PREX2: variants seen among roughly 807,000 people sequenced by gnomAD.
The protein encoded by PREX2 is phosphatidylinositol-3,4,5-trisphosphate dependent Rac exchange factor 2, also known as phosphatidylinositol 3,4,5-trisphosphate-dependent Rac exchanger 2 protein.
A neutral mutation model predicts 203.2 loss-of-function variants in PREX2; 107 were observed. The ratio of observed to expected loss-of-function variants is 0.53; its 90% CI spans 0.45 to 0.62. PREX2 has a LOEUF of 0.62. Ranked by LOEUF, PREX2 falls within the 20% of genes least tolerant of loss-of-function variation. The pLI is 0.00. For synonymous variants in PREX2, 672 were observed against 663.6 expected, an observed-to-expected ratio of 1.01 and a Z score of -0.19; for missense variants, 1,777 against 1,955.9, an observed-to-expected ratio of 0.91 and a Z score of 1.72.
rs1585710788 is a variant in PREX2 at position 68,019,808 on chromosome 8, T to C, written c.336+137T>C. On this transcript the variant is annotated intron_variant, in intron 3 of 39. Coordinates refer to ENST00000288368, the MANE Select transcript of PREX2 (RefSeq NM_024870.4). The stretch of plus-strand genomic sequence containing the variant: ...AAAGTTTAAGGTCTTTTAAGGCCAA[T>C]GAGATCTTCCACTTAGAGCCAGAAA... 4 of 766,376 alleles carry C rather than the reference T, an allele frequency of 5.2e-6. No homozygotes were observed. In the Admixed American group the frequency reaches 1.1e-4, roughly 21 times the overall value. The allele number at this position is 766,376 out of a possible 1,614,324, so 47.5% of individuals were successfully genotyped here.
chr8:68,150,751 A>G (rs1346173758), intron 34 of PREX2, among the ~76,000 whole-genome samples: 2 of 152,194 alleles, frequency 1.3e-5, no homozygotes, highest in African/African-American at 4.8e-5. Flanking sequence ...GTCATTGGAA[A>G]TGATGCGTTC....
intron 10 of PREX2, among the ~76,000 whole-genome samples, chr8:68,057,218 G>C (rs1169651459): frequency 6.6e-6 from 1 of 152,108 alleles, no homozygotes; most frequent in Admixed American, 6.6e-5. Context: ...CTCACCTGCT[G>C]CCGTGTAAGG....
chr8:67,997,484 A>ATGCTCATTCTATTTGTTT (rs2129609642), intron 1 of PREX2, among the ~76,000 whole-genome samples: 2 of 152,262 alleles, frequency 1.3e-5, no homozygotes, highest in South Asian at 4.1e-4. Context: ...TGTCCATTTT[A>ATGCTCATTCTATTTGTTT]TGCTCATTCT....
chr8:68,044,804 A>G (rs1178008971), intron 8 of PREX2, among the ~76,000 whole-genome samples: 2 of 152,120 alleles, frequency 1.3e-5, no homozygotes, highest in Non-Finnish European at 1.5e-5. Flanking sequence ...AAAACACACT[A>G]ACATGAAACA....
rs1232043376 is a variant in PREX2 at position 68,118,556 on chromosome 8, C to A, written c.3333C>A (p.Cys1111Ter). Residue 1111 changes from cysteine to a stop codon, truncating the protein, a stop_gained, in exon 27 of 40, where the codon TGC (cysteine) becomes TGA (stop). Coordinates refer to ENST00000288368, the MANE Select transcript of PREX2 (RefSeq NM_024870.4). LOFTEE classifies it high-confidence loss of function. ...TISNRDSYSD[C>*]NSNRNSIASF... ...TGAAACCTGTTGTTTTCAGTGACTG[C>A]AACAGCAATAGGAATTCCATCGCCT... 4 of 1,612,686 alleles carry A rather than the reference C, an allele frequency of 2.5e-6. No individual in the cohort carries two copies. The highest frequency in any genetic ancestry group is 3.4e-6 in the Non-Finnish European group (4 of 1,178,722).
chr8:68,229,525 C>T (rs1243589445), intron 39 of PREX2, among the ~76,000 whole-genome samples: 2 of 152,180 alleles, frequency 1.3e-5, no homozygotes, highest in African/African-American at 2.4e-5. Flanking sequence ...GAGTCACTTC[C>T]AAGAAGCCTC....
intron 22 of PREX2, among the ~76,000 whole-genome samples, chr8:68,099,294 C>T (rs946385903): frequency 3.3e-5 from 5 of 151,302 alleles, no homozygotes; most frequent in African/African-American, 7.3e-5. Context: ...TTTTTTTGTT[C>T]TACCAAATTG....
At chr8:68,128,784 G>C (rs1312009288) in intron 31 of PREX2, among the ~76,000 whole-genome samples, 2 of 152,192 alleles carry the variant, frequency 1.3e-5, no homozygotes, top group African/African-American at 4.8e-5. Context: ...GAAGGAAAGG[G>C]TCTCAAAATT....
chr8:67,959,101 G>A (rs1242917636), intron 1 of PREX2, among the ~76,000 whole-genome samples: 1 of 152,224 alleles, frequency 6.6e-6, no homozygotes, highest in East Asian at 1.9e-4. Context: ...GAGAGTCAAT[G>A]TTTAAAGGAT....
At chr8:68,176,756 CA>C (rs1811987877) in intron 35 of PREX2, 1 of 152,054 alleles carries the variant, frequency 6.6e-6, no homozygotes, top group Admixed American at 6.6e-5. Context: ...ATTCAGAGAA[CA>C]AAATTAACAT....
chr8:67,972,777 A>G (rs958959232), intron 1 of PREX2, among the ~76,000 whole-genome samples: 1 of 152,152 alleles, frequency 6.6e-6, no homozygotes, highest in Non-Finnish European at 1.5e-5. Flanking sequence ...TCAACTGACC[A>G]TGGCCTCTGC....
chr8:67,958,907 A>T (rs1805558967), intron 1 of PREX2, among the ~76,000 whole-genome samples: 1 of 152,220 alleles, frequency 6.6e-6, no homozygotes, highest in Admixed American at 6.5e-5. Flanking sequence ...GGACATGTTG[A>T]GCTGAGCCAC....
At chr8:68,102,843 G>A (rs373287735) in intron 23 of PREX2, 71 of 518,386 alleles carry the variant, frequency 1.4e-4, no homozygotes, top group Non-Finnish European at 2.3e-4. Flanking sequence ...TTTGGCACAT[G>A]TGTGAAACCT....
intron 9 of PREX2, among the ~76,000 whole-genome samples, chr8:68,055,407 CA>C (rs1310652917): frequency 2.0e-5 from 3 of 152,144 alleles, no homozygotes; most frequent in Non-Finnish European, 4.4e-5. Flanking sequence ...CCTTTCTTAA[CA>C]TTTCTCAGGG....
chr8:67,964,794 C>G (rs1449078517), intron 1 of PREX2, among the ~76,000 whole-genome samples: 2 of 152,182 alleles, frequency 1.3e-5, no homozygotes, highest in Non-Finnish European at 2.9e-5. Flanking sequence ...TATTCATTAA[C>G]TCACGACTTA....
At chr8:68,070,668 A>G (rs1563528955) in intron 13 of PREX2, among the ~76,000 whole-genome samples, 1 of 152,222 alleles carries the variant, frequency 6.6e-6, no homozygotes, top group Non-Finnish European at 1.5e-5. Flanking sequence ...CATTTTCAAA[A>G]TAAATAAAAA....
chr8:68,136,937 A>G (rs1486966355), intron 32 of PREX2, among the ~76,000 whole-genome samples: 1 of 149,616 alleles, frequency 6.7e-6, no homozygotes, highest in Admixed American at 6.7e-5. Context: ...ACAGAGTCTC[A>G]CTCTGTCACC....
intron 39 of PREX2, among the ~76,000 whole-genome samples, chr8:68,228,606 TA>T (rs911510915): frequency 1.1e-4 from 16 of 146,726 alleles, no homozygotes; most frequent in South Asian, 2.1e-4. Context: ...ACTAAAAATA[TA>T]AAAAAAAAAT....
At chr8:68,057,074 G>A (rs1808700527) in intron 10 of PREX2, among the ~76,000 whole-genome samples, 1 of 152,140 alleles carries the variant, frequency 6.6e-6, no homozygotes, top group East Asian at 1.9e-4. Context: ...ATCCCCACGT[G>A]TCAGGGGAGG....
Sources: allele counts gnomAD v4.1 joint callset (sites outside exome capture counted in the v4.1 genomes callset), GRCh38; gene constraint gnomAD v4.1.1; transcripts MANE v1.5; gene names NCBI Gene and HGNC (gene_info 2026-07-23, HGNC 2026-07-21).